The following ITGA9 variants were observed in gnomAD, a reference collection of about 807,000 sequenced individuals.
The protein encoded by ITGA9 is integrin alpha-9.
Under a neutral mutation model 127.8 loss-of-function variants are expected in ITGA9, and 56 were observed. The ratio of observed to expected loss-of-function variants is 0.44; its 90% CI spans 0.35 to 0.55. The LOEUF is 0.55. ITGA9 is among the 20% of genes least tolerant of loss of function. ITGA9 has a pLI of 0.00. For synonymous variants in ITGA9, 508 were observed against 514.5 expected (o/e 0.99, Z 0.17); for missense variants, 1,196 against 1,347.1 (o/e 0.89, Z 1.76).
At chr3:37,664,627 T>C (rs1700568155) in intron 17 of ITGA9, among the ~76,000 whole-genome samples, 2 of 151,436 alleles carry the variant, frequency 1.3e-5, no homozygotes, top group Admixed American at 1.3e-4. Flanking sequence ...TCCATGTTGG[T>C]CAGGCTGGTC....
intron 18 of ITGA9, among the ~76,000 whole-genome samples, chr3:37,722,459 G>A (rs62241494): frequency 0.031 from 4,748 of 152,182 alleles, 146 homozygotes; most frequent in Middle Eastern, 0.054. Flanking sequence ...CTTAGCTGTC[G>A]TACCCCTTCC....
chr3:37,802,855 C>T (rs906061371), intron 26 of ITGA9, among the ~76,000 whole-genome samples: 39 of 152,220 alleles, frequency 2.6e-4, no homozygotes, highest in Non-Finnish European at 4.3e-4. Flanking sequence ...AGTTGCCTCT[C>T]ATGAGCTGAT....
intron 8 of ITGA9, among the ~76,000 whole-genome samples, chr3:37,512,456 G>T (rs1698941830): frequency 6.6e-6 from 1 of 151,736 alleles, no homozygotes; most frequent in Non-Finnish European, 1.5e-5. Context: ...CTGGCCTTGT[G>T]ATCCACCCGC....
At chr3:37,502,213 C>A (rs76851986) in intron 5 of ITGA9, among the ~76,000 whole-genome samples, 1 of 111,832 alleles carries the variant, frequency 8.9e-6, no homozygotes, top group African/African-American at 3.4e-5. Flanking sequence ...GTTCTTGAGT[C>A]TTTTTTTTTT....
intron 11 of ITGA9, among the ~76,000 whole-genome samples, chr3:37,521,134 A>G (rs955172675): frequency 1.3e-5 from 2 of 152,206 alleles, no homozygotes; most frequent in African/African-American, 4.8e-5. Flanking sequence ...AAAAAAAAAG[A>G]AAGAAGCAAC....
At chr3:37,535,207 A>G (rs1336287775) in intron 14 of ITGA9, among the ~76,000 whole-genome samples, 2 of 152,256 alleles carry the variant, frequency 1.3e-5, no homozygotes, top group South Asian at 4.1e-4. Context: ...AAAGGGAGTT[A>G]CAAAGAGTTT....
chr3:37,507,861 AC>A (rs1025572967), intron 7 of ITGA9, among the ~76,000 whole-genome samples: 21 of 152,158 alleles, frequency 1.4e-4, no homozygotes, highest in African/African-American at 4.8e-4. Flanking sequence ...CTCATGAGAC[AC>A]TCTTCCCACG....
chr3:37,812,093 G>GA (rs761709424), intron 27 of ITGA9, among the ~76,000 whole-genome samples: 3 of 151,918 alleles, frequency 2.0e-5, no homozygotes, highest in Admixed American at 6.6e-5. Flanking sequence ...CTCCTCCAAA[G>GA]AAAAAAAATG....
intron 4 of ITGA9, among the ~76,000 whole-genome samples, chr3:37,492,869 C>T (rs962714184): frequency 1.2e-4 from 19 of 152,092 alleles, no homozygotes; most frequent in African/African-American, 4.6e-4. Flanking sequence ...ATCCTTTTTG[C>T]CGTTGTGCTA....
chr3:37,676,158 A>C (rs1352291690), intron 17 of ITGA9, among the ~76,000 whole-genome samples: 1 of 152,242 alleles, frequency 6.6e-6, no homozygotes, highest in Non-Finnish European at 1.5e-5. Flanking sequence ...ACCATATTAT[A>C]TCGTAAGTAA....
intron 13 of ITGA9, among the ~76,000 whole-genome samples, chr3:37,526,452 G>GCA (rs1296824847): frequency 2.0e-5 from 3 of 152,210 alleles, no homozygotes; most frequent in Admixed American, 2.0e-4. Context: ...GTGCTGGGAA[G>GCA]CACTGTTCAT....
chr3:37,742,956 C>T (rs1407277958), intron 21 of ITGA9, among the ~76,000 whole-genome samples: 1 of 152,134 alleles, frequency 6.6e-6, no homozygotes, highest in South Asian at 2.1e-4. Flanking sequence ...CAAGAATATA[C>T]CCAGAACCAA....
intron 1 of ITGA9, among the ~76,000 whole-genome samples, chr3:37,454,099 A>AGGGCTGCTGTGGACAGC (rs1323303295): frequency 6.6e-6 from 1 of 152,192 alleles, no homozygotes. Context: ...CAAAAATGGG[A>AGGGCTGCTGTGGACAGC]GGGCTGCTGT....
At chr3:37,454,076 C>T (rs57948536) in intron 1 of ITGA9, among the ~76,000 whole-genome samples, 3,335 of 152,272 alleles carry the variant, frequency 0.022, 125 homozygotes, top group African/African-American at 0.075. Flanking sequence ...ACCAGGCACG[C>T]GGGAAGCACT....
chr3:37,809,045 A>G (rs1295820247), intron 27 of ITGA9, among the ~76,000 whole-genome samples: 1 of 151,630 alleles, frequency 6.6e-6, no homozygotes. Context: ...GCTGTCTTTT[A>G]TCTGTCACAT....
chr3:37,780,777 A>G (rs924133504), intron 25 of ITGA9, among the ~76,000 whole-genome samples: 2 of 152,170 alleles, frequency 1.3e-5, no homozygotes, highest in African/African-American at 4.8e-5. Flanking sequence ...GTACTAATTT[A>G]TCTTCCCATC....
chr3:37,517,324 G>T (rs565264932), intron 9 of ITGA9, among the ~76,000 whole-genome samples, 180 bp from the exon 10 acceptor site: 1 of 152,288 alleles, frequency 6.6e-6, no homozygotes, highest in African/African-American at 2.4e-5. Context: ...CAGGTAAAAG[G>T]GACGCATTTT....
chr3:37,780,053 A>G (rs766156062), intron 25 of ITGA9, 32 bp downstream of exon 25: 3 of 1,612,182 alleles, frequency 1.9e-6, no homozygotes, highest in Non-Finnish European at 2.5e-6. Context: ...TTGTGGATGC[A>G]TTTAGAAGCA....
chr3:37,515,262 TC>T (rs1698972319), intron 9 of ITGA9, among the ~76,000 whole-genome samples: 1 of 152,194 alleles, frequency 6.6e-6, no homozygotes, highest in Non-Finnish European at 1.5e-5. Context: ...TTTATCTTTA[TC>T]CAAATAGTGA....
Sources: gnomAD v4.1 joint callset for allele counts (sites outside exome capture counted in the v4.1 genomes callset) on GRCh38, gnomAD v4.1.1 for gene constraint, MANE v1.5 for transcripts, NCBI Gene and HGNC (gene_info 2026-07-23, HGNC 2026-07-21) for gene names.